RHCG: variants seen among roughly 807,000 people sequenced by gnomAD.
The protein encoded by RHCG is ammonium transporter Rh type C.
A neutral mutation model predicts 55.3 loss-of-function variants in RHCG; 39 were observed. The ratio of observed to expected loss-of-function variants is 0.70; its 90% CI spans 0.55 to 0.92. The LOEUF (loss-of-function observed/expected upper bound fraction) is 0.92. Among genes scored for constraint, RHCG ranks in the 40% least tolerant of loss-of-function variants. The pLI is 0.00. For missense variants in RHCG, 635 were observed against 627.9 expected, an observed-to-expected ratio of 1.01 and a Z score of -0.12; for synonymous variants, 250 against 246.8, an observed-to-expected ratio of 1.01 and a Z score of -0.12.
rs115514464 is a variant in RHCG at position 89,473,521 on chromosome 15, G to T, written c.1312-658C>A. 4.0e-3 allele frequency among the ~76,000 whole-genome samples: 607 copies of T among 152,250 alleles called. 5 individuals are homozygous for T. The highest frequency in any genetic ancestry group is 0.014 in the African/African-American group (567 of 41,528). ...CACAGAATTTTGTTATTCCCAACCA[G>T]GTACAGCCAGCCCTCCATACCCATG... On this transcript the variant is annotated intron_variant, in intron 9 of 10. Transcript: ENST00000268122.
At position 89,481,409 on chromosome 15, in the gene RHCG, C is replaced by T. The variant is rs543023177; in HGVS notation, c.523-1001G>A. ...AGGTTGCAGTGAGCTGAGATCATGC[C>T]ACTGCACTCCAGCCTGGGCAACAGA... On this transcript the variant is annotated intron_variant, in intron 3 of 10. Transcript: ENST00000268122. Among the ~76,000 whole-genome samples, 3 of 151,678 alleles carry T rather than the reference C, an allele frequency of 2.0e-5. No individual in the cohort carries two copies. The South Asian group carries it at 6.3e-4, about 32-fold the overall frequency.
rs568630544 is a variant in RHCG at position 89,481,676 on chromosome 15, G to A, written c.523-1268C>T. On this transcript the variant is annotated intron_variant, in intron 3 of 10. Transcript: ENST00000268122. ...ACAACATGTGGAGAGAAAAGTTGGC[G>A]CCAGAACAGGAAGTGCCTTATAACA... is the stretch of plus-strand genomic sequence containing the variant. Among the ~76,000 whole-genome samples, 32 of 152,294 alleles carry A rather than the reference G, an allele frequency of 2.1e-4. No individual in the cohort carries two copies. In the South Asian group the frequency reaches 6.4e-3, roughly 31 times the overall value.
At position 89,476,790 on chromosome 15, in the gene RHCG, C is replaced by G. The variant is rs761076366; in HGVS notation, c.1276G>C (p.Asp426His). ...ACCGCATCCTCAAAGCAGTTCTCAT[C>G]TGAAGGTTGTCCCCAGAATGGTAAT... is the stretch of plus-strand genomic sequence containing the variant. ...LRLPFWGQPS[D>H]ENCFEDAVYW... Residue 426 changes from aspartate (D) to histidine (H), a missense_variant, in exon 9 of 11, where the codon GAT becomes CAT. Coordinates refer to ENST00000268122, the MANE Select transcript of RHCG (RefSeq NM_016321.3). The G allele has an allele frequency of 3.1e-6, 5 of 1,614,070 alleles. No homozygotes were observed. The highest frequency in any genetic ancestry group is 4.2e-6 in the Non-Finnish European group (5 of 1,180,032).
chr15:89,481,875 C>T (rs1961273664), intron 3 of RHCG, among the ~76,000 whole-genome samples: 1 of 152,096 alleles, frequency 6.6e-6, no homozygotes, highest in South Asian at 2.1e-4. Flanking sequence ...GATCTCGGCT[C>T]ACCACAACCT....
rs1355416890 is a variant in RHCG at position 89,480,381 on chromosome 15, T to C, written c.550A>G (p.Ile184Val). The change falls in exon 4 of 11, where the codon ATC becomes GTC. Residue 184 changes from isoleucine (I) to valine (V), a missense_variant. By Grantham distance (29) the Ile-to-Val change is conservative (BLOSUM62 3). Coordinates refer to ENST00000268122, the MANE Select transcript of RHCG (RefSeq NM_016321.3). ...KVKDAGGSMT[I>V]HTFGAYFGLT... ...CCAAAGTAGGCGCCAAATGTGTGGA[T>C]GGTCATGGAGCCTCCTGCATCCTTC... is the stretch of plus-strand genomic sequence containing the variant. 12 of 1,614,138 alleles carry C rather than the reference T, an allele frequency of 7.4e-6. No individual in the cohort carries two copies. The highest frequency in any genetic ancestry group is 1.0e-5 in the Non-Finnish European group (12 of 1,180,004).
chr15:89,493,074 A>G (rs898546252), intron 1 of RHCG, among the ~76,000 whole-genome samples: 2 of 152,204 alleles, frequency 1.3e-5, no homozygotes, highest in African/African-American at 2.4e-5. Flanking sequence ...CTAAAGTTCC[A>G]CTGCCTTCTG....
intron 1 of RHCG, among the ~76,000 whole-genome samples, chr15:89,488,165 T>C (rs1160839783): frequency 6.6e-6 from 1 of 152,238 alleles, no homozygotes; most frequent in Admixed American, 6.5e-5. Context: ...AAAGCAATTA[T>C]GTGTTATAAT....
intron 9 of RHCG, among the ~76,000 whole-genome samples, chr15:89,473,280 A>T (rs1961073799): frequency 6.6e-6 from 1 of 152,196 alleles, no homozygotes. Flanking sequence ...AGCTCTGTAA[A>T]CTGCAGACAG....
intron 9 of RHCG, among the ~76,000 whole-genome samples, chr15:89,476,446 A>G (rs1314229839): frequency 6.6e-6 from 1 of 152,194 alleles, no homozygotes; most frequent in African/African-American, 2.4e-5. Flanking sequence ...GCTCTAGAAT[A>G]AAGCTGACTG....
In RHCG at chr15:89,496,390, A is replaced by G; in HGVS notation, c.155T>C (p.Met52Thr). ...GTAGCGATAGTAGAATTCGTTCTCC[A>G]TGTCGCTCAAGTTCTTGTGCGTCCT... ...SERTHKNLSDMENEFYYRYPS... is the reference protein window; with the variant it reads ...SERTHKNLSDTENEFYYRYPS... The change falls in exon 1 of 11, where the codon ATG (methionine) becomes ACG (threonine). Residue 52 changes from methionine to threonine, a missense_variant. Transcript: ENST00000268122. 6.2e-7 allele frequency: 1 copy of G among 1,613,996 alleles called. No individual in the cohort carries two copies. The highest frequency in any genetic ancestry group is 8.5e-7 in the Non-Finnish European group (1 of 1,179,946).
At chr15:89,481,108 T>C (rs776914351) in intron 3 of RHCG, among the ~76,000 whole-genome samples, 2 of 152,146 alleles carry the variant, frequency 1.3e-5, no homozygotes, top group Non-Finnish European at 2.9e-5. Flanking sequence ...TGTGTGACCT[T>C]AGGTGAGCCC....
chr15:89,473,562 G>T (rs565851099), intron 9 of RHCG, among the ~76,000 whole-genome samples: 2 of 152,148 alleles, frequency 1.3e-5, no homozygotes, highest in East Asian at 3.9e-4. Context: ...TGTATCAGCA[G>T]GTTACACCTA....
chr15:89,496,530 G>T lies in RHCG; in HGVS notation c.15C>A (p.Thr5=). Residue 5 remains threonine (T), a synonymous_variant, in exon 1 of 11, where the codon ACC becomes ACA. Coordinates refer to ENST00000268122, the MANE Select transcript of RHCG (RefSeq NM_016321.3). MAWN[T]NLRWRLPLTC... is the part of the protein sequence containing the mutation. ...TGAGCGGCAGCCGCCAGCGGAGGTT[G>T]GTGTTCCAGGCCATGCTGCAGGGGT... The T allele has an allele frequency of 1.2e-6, 2 of 1,612,528 alleles. No homozygotes were observed. Among genetic ancestry groups the T allele is most frequent in the Non-Finnish European group, 1.7e-6 (2 of 1,179,802 alleles).
chr15:89,474,692 A>G (rs1961098761), intron 9 of RHCG, among the ~76,000 whole-genome samples: 1 of 152,158 alleles, frequency 6.6e-6, no homozygotes, highest in South Asian at 2.1e-4. Context: ...GATGCTGCAG[A>G]ACTCAGTTGC....
chr15:89,480,379 G>A lies in RHCG; in HGVS notation c.552C>T (p.Ile184=), dbSNP rs1961244534. Residue 184 remains isoleucine (I), a synonymous_variant, in exon 4 of 11, where the codon ATC becomes ATT. Transcript: ENST00000268122. ...GCCCAAAGTAGGCGCCAAATGTGTG[G>A]ATGGTCATGGAGCCTCCTGCATCCT... ...KVKDAGGSMT[I]HTFGAYFGLT... The A allele has an allele frequency of 6.2e-7, 1 of 1,614,180 alleles. No homozygotes were observed. The highest frequency in any genetic ancestry group is 8.5e-7 in the Non-Finnish European group (1 of 1,180,026).
chr15:89,482,863 G>A lies in RHCG; in HGVS notation c.522+204C>T, dbSNP rs568222750. 5.7e-4 allele frequency among the ~76,000 whole-genome samples: 87 copies of A among 152,324 alleles called. 1 individual carries two copies. Among genetic ancestry groups the A allele is most frequent in the African/African-American group, 1.7e-3 (71 of 41,572 alleles). On this transcript the variant is annotated intron_variant, in intron 3 of 10. Transcript: ENST00000268122. ...TTCAAGGAAGCCCTGCTCTGTCCAC[G>A]TGCTGGATTGATGGGCTAGGTGGAC...
chr15:89,487,021 G>C (rs937448810), intron 1 of RHCG, 36 bp from the exon 2 acceptor site: 4 of 1,517,300 alleles, frequency 2.6e-6, no homozygotes, highest in Non-Finnish European at 3.5e-6. Context: ...TCGGTGGTCT[G>C]GCGAAGGTTC....
chr15:89,472,947 T>C (rs1961068470), intron 9 of RHCG, 84 bp from the exon 10 acceptor site: 3 of 1,364,794 alleles, frequency 2.2e-6, no homozygotes, highest in Non-Finnish European at 2.9e-6. Context: ...GAGCTGCAAA[T>C]GGTGTGTGGC....
intron 2 of RHCG, 56 bp downstream of exon 2, chr15:89,486,743 T>A (rs1046336334): frequency 5.9e-6 from 9 of 1,523,634 alleles, no homozygotes; most frequent in Non-Finnish European, 8.0e-6. Flanking sequence ...CAGGCTCACC[T>A]GCCCAGCCCC....
Sources: allele counts gnomAD v4.1 joint callset (sites outside exome capture counted in the v4.1 genomes callset), GRCh38; gene constraint gnomAD v4.1.1; transcripts MANE v1.5; gene names NCBI Gene and HGNC (gene_info 2026-07-23, HGNC 2026-07-21).